Variants in MTUS1 observed in about 807,000 individuals in gnomAD.
MTUS1 encodes the protein microtubule associated scaffold protein 1.
A neutral mutation model predicts 120.8 loss-of-function variants in MTUS1; 109 were observed. The ratio of observed to expected loss-of-function variants is 0.90; its 90% CI spans 0.77 to 1.06. The LOEUF is 1.06. Among genes scored for constraint, MTUS1 ranks in the 50% least tolerant of loss-of-function variants. MTUS1 has a pLI of 0.00. For missense variants in MTUS1, 2,210 were observed against 1,486.3 expected (o/e 1.49, Z -8.01); for synonymous variants, 737 against 550.5 (o/e 1.34, Z -4.74).
chr8:17,709,193 T>TAC (rs1265494974), intron 6 of MTUS1, among the ~76,000 whole-genome samples: 1 of 152,092 alleles, frequency 6.6e-6, no homozygotes, highest in Admixed American at 6.6e-5. Flanking sequence ...CCCTGCTTAT[T>TAC]ACACTGAGGA....
In MTUS1 at chr8:17,754,301, G is replaced by T. The variant is rs201397082; in HGVS notation, c.1507C>A (p.Pro503Thr). 1 of 1,613,844 alleles carries T rather than the reference G, an allele frequency of 6.2e-7. No individual in the cohort carries two copies. The highest frequency in any genetic ancestry group is 2.2e-5 in the East Asian group (1 of 44,848). ...KVRKTEIISY[P>T]RPNFKNVKAK... ...TTGACATTCTTGAAGTTTGGTCTTGGGTAACTTATAATTTCAGTTTTTCTA... is the reference window on the plus strand; with the variant it reads ...TTGACATTCTTGAAGTTTGGTCTTGTGTAACTTATAATTTCAGTTTTTCTA... Residue 503 changes from proline (P) to threonine (T), a missense_variant, in exon 2 of 15, where the codon CCA (proline) becomes ACA (threonine). By Grantham distance (38) the Pro-to-Thr change is conservative (BLOSUM62 -1). Transcript: ENST00000693296.
intron 4 of MTUS1, 55 bp downstream of exon 4, chr8:17,723,617 T>C (rs2045987828): frequency 6.4e-7 from 1 of 1,553,356 alleles, no homozygotes; most frequent in Non-Finnish European, 8.9e-7. Flanking sequence ...AGCATTAGTT[T>C]TTCTTGTAAT....
chr8:17,688,022 G>C (rs1425881207), intron 6 of MTUS1, among the ~76,000 whole-genome samples: 1 of 152,104 alleles, frequency 6.6e-6, no homozygotes, highest in Non-Finnish European at 1.5e-5. Context: ...TAGCAGCTGA[G>C]GACACATTCA....
intron 3 of MTUS1, among the ~76,000 whole-genome samples, chr8:17,733,400 T>C (rs1161158920): frequency 6.6e-6 from 1 of 151,104 alleles, no homozygotes. Context: ...ATTATATACA[T>C]AAACATATGT....
intron 8 of MTUS1, among the ~76,000 whole-genome samples, chr8:17,657,700 G>T (rs1226032748): frequency 6.7e-6 from 1 of 148,744 alleles, no homozygotes; most frequent in Admixed American, 6.7e-5. Context: ...GATGGTGTGG[G>T]CCTGTAGTCC....
At chr8:17,744,200 C>A (rs2038617329) in intron 2 of MTUS1, among the ~76,000 whole-genome samples, 1 of 152,164 alleles carries the variant, frequency 6.6e-6, no homozygotes, top group South Asian at 2.1e-4. Flanking sequence ...AATTTACATT[C>A]TGTAGAGAAT....
chr8:17,756,576 G>T (rs2048624361), intron 1 of MTUS1, among the ~76,000 whole-genome samples: 1 of 151,790 alleles, frequency 6.6e-6, no homozygotes, highest in Non-Finnish European at 1.5e-5. Context: ...AAAGGCTCCA[G>T]TGGTACCCTG....
chr8:17,779,793 C>T (rs1470338032), intron 1 of MTUS1, among the ~76,000 whole-genome samples: 3 of 152,124 alleles, frequency 2.0e-5, no homozygotes, highest in Non-Finnish European at 4.4e-5. Context: ...GGAGGGGGGG[C>T]GGGGGCAGCC....
intron 13 of MTUS1, among the ~76,000 whole-genome samples, chr8:17,649,221 TAA>T (rs1806468390): frequency 6.6e-6 from 1 of 152,010 alleles, no homozygotes; most frequent in South Asian, 2.1e-4. Flanking sequence ...CACACCCGGC[TAA>T]GTTTTATATT....
At chr8:17,765,089 A>C (rs149025497) in intron 1 of MTUS1, among the ~76,000 whole-genome samples, 125 of 152,248 alleles carry the variant, frequency 8.2e-4, no homozygotes, top group African/African-American at 2.8e-3. Flanking sequence ...AGATTCTCAT[A>C]AGTAGCTCGC....
At chr8:17,701,258 G>A (rs777634917) in intron 6 of MTUS1, among the ~76,000 whole-genome samples, 1 of 152,056 alleles carries the variant, frequency 6.6e-6, no homozygotes, top group Non-Finnish European at 1.5e-5. Flanking sequence ...AGTCTTTAAT[G>A]TAGTAAGTTC....
chr8:17,646,252 CAG>C, intron 14 of MTUS1, 113 bp from the exon 15 acceptor site: 1 of 1,149,546 alleles, frequency 8.7e-7, no homozygotes, highest in Non-Finnish European at 1.2e-6. Flanking sequence ...TGGGATAAAA[CAG>C]AATCCTGCAC....
intron 1 of MTUS1, among the ~76,000 whole-genome samples, chr8:17,778,492 G>A (rs951177172): frequency 6.6e-6 from 1 of 152,196 alleles, no homozygotes; most frequent in African/African-American, 2.4e-5. Context: ...TGCAAATTCT[G>A]CTATATGTAA....
At chr8:17,685,078 A>T (rs1176117506) in intron 6 of MTUS1, among the ~76,000 whole-genome samples, 1 of 152,200 alleles carries the variant, frequency 6.6e-6, no homozygotes, top group Admixed American at 6.5e-5. Context: ...AAATCATAAC[A>T]TACATCGAAA....
At chr8:17,792,390 T>C (rs2051866598) in intron 1 of MTUS1, among the ~76,000 whole-genome samples, 1 of 152,242 alleles carries the variant, frequency 6.6e-6, no homozygotes, top group Admixed American at 6.5e-5. Flanking sequence ...TAATAAGCTG[T>C]AACCAGAACT....
At chr8:17,702,721 C>T (rs1313355743) in intron 6 of MTUS1, among the ~76,000 whole-genome samples, 1 of 152,174 alleles carries the variant, frequency 6.6e-6, no homozygotes, top group Non-Finnish European at 1.5e-5. Context: ...TTTTTAAAGG[C>T]TGCATAATAC....
chr8:17,672,008 G>C (rs1352796338), intron 8 of MTUS1, among the ~76,000 whole-genome samples: 1 of 152,118 alleles, frequency 6.6e-6, no homozygotes, highest in Non-Finnish European at 1.5e-5. Flanking sequence ...AAAGAAGTTA[G>C]GTAACATCCA....
chr8:17,687,771 C>G (rs1270170522), intron 6 of MTUS1, among the ~76,000 whole-genome samples: 1 of 152,192 alleles, frequency 6.6e-6, no homozygotes, highest in Admixed American at 6.5e-5. Context: ...TGGAAAGCAG[C>G]TGGATGACCC....
rs756116130 is a variant in MTUS1, at chr8:17,754,349, T to G, written c.1459A>C (p.Asn487His). ...PSLGKSTIKT[N>H]TPIGCKVRKT... ...CTAACTTTGCAGCCTATTGGGGTAT[T>G]CGTTTTGATTGTTGATTTTCCTAAA... The change falls in exon 2 of 15, where the codon AAT becomes CAT. Residue 487 changes from asparagine to histidine, a missense_variant. Asn to His is a moderately conservative substitution (Grantham distance 68, BLOSUM62 1). Coordinates refer to ENST00000693296, the MANE Select transcript of MTUS1 (RefSeq NM_001363059.2). 6.2e-7 allele frequency: 1 copy of G among 1,614,178 alleles called. No homozygotes were observed. Among genetic ancestry groups the G allele is most frequent in the East Asian group, 2.2e-5 (1 of 44,868 alleles).
Sources: allele counts gnomAD v4.1 joint callset (sites outside exome capture counted in the v4.1 genomes callset), GRCh38; gene constraint gnomAD v4.1.1; transcripts MANE v1.5; gene names NCBI Gene and HGNC (gene_info 2026-07-23, HGNC 2026-07-21).